MYO15A: variants seen among roughly 807,000 people sequenced by gnomAD.
The protein encoded by MYO15A is unconventional myosin-XV.
A neutral mutation model predicts 394.6 loss-of-function variants in MYO15A; 308 were observed. The ratio of observed to expected loss-of-function variants is 0.78; its 90% CI spans 0.71 to 0.86. The LOEUF (loss-of-function observed/expected upper bound fraction) is 0.86. Among genes scored for constraint, MYO15A ranks in the 40% least tolerant of loss-of-function variants. The pLI, the probability that MYO15A is intolerant of heterozygous loss-of-function variation, is 0.00. For synonymous variants in MYO15A, 1,957 were observed against 2,003.8 expected (o/e 0.98, Z 0.62); for missense variants, 4,606 against 4,799.1 (o/e 0.96, Z 1.19).
intron 7 of MYO15A, 41 bp downstream of exon 7, chr17:18,127,206 C>T (rs1306887860): frequency 6.2e-7 from 1 of 1,605,806 alleles, no homozygotes; most frequent in Admixed American, 1.7e-5. Context: ...GCTGAACACC[C>T]TTTGATAAGC....
In MYO15A at chr17:18,118,656, C is replaced by T. The variant is rs542293393; in HGVS notation, c.-145C>T. ...CGGAATCCTGGCTCGGCCCTCCCCA[C>T]GCCACCCAGGGCCAGTCGGGTCTGC... is the stretch of plus-strand genomic sequence containing the variant. On this transcript the variant is annotated 5_prime_UTR_variant, in exon 2 of 66. It adds an upstream start codon to the 5' untranslated region. Coordinates refer to ENST00000647165, the MANE Select transcript of MYO15A (RefSeq NM_016239.4). 4 of 1,290,974 alleles carry T rather than the reference C, an allele frequency of 3.1e-6. No individual in the cohort carries two copies. Among genetic ancestry groups the T allele is most frequent in the Admixed American group, 2.4e-5 (1 of 41,150 alleles). The allele number at this position is 1,290,974 out of a possible 1,614,324, so 80.0% of individuals were successfully genotyped here. A position where few individuals can be genotyped will look rare whatever the true frequency, so the allele number is the denominator to read the frequency against.
At position 18,132,407 on chromosome 17, in the gene MYO15A, C is replaced by T; in HGVS notation, c.4207-46C>T. ...GCTTGTATGTGTGCCTGGGGGTCAC[C>T]TAGGTAGGTGGCTCCCTTCTCTGTG... On this transcript the variant is annotated intron_variant, in intron 10 of 65. Coordinates refer to ENST00000647165, the MANE Select transcript of MYO15A (RefSeq NM_016239.4). The surrounding 1 kb of genome is among the most constrained non-coding windows in gnomAD (Gnocchi z 4.6). 6.6e-7 allele frequency: 1 copy of T among 1,512,480 alleles called. No individual in the cohort carries two copies. 93.7% of individuals were successfully genotyped at this position (1,512,480 alleles called of 1,614,324 possible).
chr17:18,149,044 T>TGGGACA (rs1383800159), intron 33 of MYO15A, 92 bp downstream of exon 33: 67 of 1,504,806 alleles, frequency 4.5e-5, no homozygotes, highest in Non-Finnish European at 3.0e-5. Flanking sequence ...TCCCAGCTGC[T>TGGGACA]GGGACAGGCT....
intron 47 of MYO15A, 35 bp from the exon 48 acceptor site, chr17:18,156,160 T>A: frequency 6.2e-7 from 1 of 1,613,716 alleles, no homozygotes; most frequent in Non-Finnish European, 8.5e-7. Flanking sequence ...GGCATCCCTC[T>A]GGCAGGGGAG....
At chr17:18,142,372 G>C in intron 24 of MYO15A, 118 bp downstream of exon 24, 1 of 1,204,374 alleles carries the variant, frequency 8.3e-7, no homozygotes, top group Middle Eastern at 2.7e-4. Context: ...GAGGGTGGAG[G>C]CCTCTGCAGG....
chr17:18,139,376 C>G (rs2046337001), intron 18 of MYO15A, 158 bp from the exon 19 acceptor site: 2 of 853,786 alleles, frequency 2.3e-6, no homozygotes, highest in Non-Finnish European at 3.8e-6. Context: ...CCAGGTTGGT[C>G]ATGAGAAGCC....
intron 60 of MYO15A, chr17:18,165,070 A>G (rs1280965344): frequency 6.6e-6 from 1 of 150,982 alleles, no homozygotes; most frequent in Non-Finnish European, 1.5e-5. Flanking sequence ...GTGCCTGGGC[A>G]ACAAGAGCGA....
rs2045890128 is a variant in MYO15A, at chr17:18,120,334, G to A, written c.1534G>A (p.Glu512Lys). Residue 512 changes from glutamate to lysine, a missense_variant, in exon 2 of 66, where the codon GAA becomes AAA. Glu to Lys is a moderately conservative substitution (Grantham distance 56). Around this residue, in one of 2 missense-constraint regions of MYO15A, gnomAD observed 1,830 missense variants for 1,689.7 expected, o/e 1.08. Coordinates refer to ENST00000647165, the MANE Select transcript of MYO15A (RefSeq NM_016239.4). ...TCCTCTCCCCTTGGGGGATGCGGACGAAGAAGAGGACGAGGAGGAGCTGCC... is the reference window on the plus strand; with the variant it reads ...TCCTCTCCCCTTGGGGGATGCGGACAAAGAAGAGGACGAGGAGGAGCTGCC... Reference protein sequence around the residue: ...DIPLPLGDADEEEDEEELPPV... With the variant: ...DIPLPLGDADKEEDEEELPPV... The A allele has an allele frequency of 1.2e-6, 2 of 1,612,290 alleles. No homozygotes were observed. Among genetic ancestry groups the A allele is most frequent in the Non-Finnish European group, 1.7e-6 (2 of 1,179,972 alleles).
intron 8 of MYO15A, 63 bp from the exon 9 acceptor site, chr17:18,131,176 C>T: frequency 6.8e-7 from 1 of 1,465,538 alleles, no homozygotes; most frequent in African/African-American, 1.4e-5. Context: ...AGCTATGCCC[C>T]CCACCCAGGC....
intron 25 of MYO15A, among the ~76,000 whole-genome samples, chr17:18,143,147 T>G (rs2046412356): frequency 6.6e-6 from 1 of 152,184 alleles, no homozygotes; most frequent in South Asian, 2.1e-4. Context: ...ATGGTTTTGC[T>G]CTTACCTTCA....
intron 35 of MYO15A, chr17:18,149,781 G>T (rs143916463): frequency 7.8e-6 from 5 of 644,160 alleles, no homozygotes; most frequent in Non-Finnish European, 1.4e-5. Context: ...ATCCTGGAAG[G>T]ACCCACAGTT....
At chr17:18,160,641 C>T (rs2142397121) in intron 56 of MYO15A, 1 of 195,634 alleles carries the variant, frequency 5.1e-6, no homozygotes, top group Middle Eastern at 2.2e-3. Flanking sequence ...TTCACATTGA[C>T]CAAACCTGAC....
At chr17:18,172,770 A>G in intron 64 of MYO15A, 1 of 271,284 alleles carries the variant, frequency 3.7e-6, no homozygotes, top group Non-Finnish European at 7.2e-6. Flanking sequence ...TTCCTCTTAT[A>G]AGGACATCTG....
At position 18,126,877 on chromosome 17, in the gene MYO15A, G is replaced by C; in HGVS notation, c.3941+12G>C. 6.2e-7 allele frequency: 1 copy of C among 1,614,056 alleles called. No individual in the cohort carries two copies. Among genetic ancestry groups the C allele is most frequent in the Non-Finnish European group, 8.5e-7 (1 of 1,179,984 alleles). ...TGCATAATCATTAGGTGAGTGGGCT[G>C]CCTTTATGTGGGGGATAAATGGGGG... On this transcript the variant is annotated intron_variant, in intron 6 of 65. Coordinates refer to ENST00000647165, the MANE Select transcript of MYO15A (RefSeq NM_016239.4).
At chr17:18,144,376 T>A in intron 28 of MYO15A, 121 bp from the exon 29 acceptor site, 1 of 946,936 alleles carries the variant, frequency 1.1e-6, no homozygotes, top group Non-Finnish European at 1.7e-6. Context: ...TCCCCATCCA[T>A]ACACTGAGGA....
intron 25 of MYO15A, among the ~76,000 whole-genome samples, chr17:18,143,050 T>C (rs1277874979): frequency 6.6e-6 from 1 of 152,198 alleles, no homozygotes; most frequent in Non-Finnish European, 1.5e-5. Context: ...GATGTTGCAT[T>C]GAAGGATTTG....
chr17:18,152,875 T>C (rs1263321153), intron 42 of MYO15A, among the ~76,000 whole-genome samples: 2 of 152,206 alleles, frequency 1.3e-5, no homozygotes, highest in African/African-American at 4.8e-5. Flanking sequence ...ATGTCACCTC[T>C]GTCACCTCGG....
intron 60 of MYO15A, 129 bp from the exon 61 acceptor site, chr17:18,166,232 G>A (rs2046851814): frequency 8.8e-7 from 1 of 1,135,400 alleles, no homozygotes; most frequent in Admixed American, 1.9e-5. Flanking sequence ...CCCAGAACAG[G>A]CAGGTGGCTT....
At position 18,126,374 on chromosome 17, in the gene MYO15A, G is replaced by A; in HGVS notation, c.3784G>A (p.Val1262Met). The change falls in exon 5 of 66, where the codon GTG (valine) becomes ATG (methionine). Residue 1262 changes from valine to methionine, a missense_variant. Physicochemically the swap from Val to Met is conservative, Grantham distance 21. This residue lies in a region of MYO15A where 2,776 missense variants were observed against 3,109.3 expected (regional missense o/e 0.89). Coordinates refer to ENST00000647165, the MANE Select transcript of MYO15A (RefSeq NM_016239.4). The stretch of plus-strand genomic sequence containing the variant: ...ATACATTGGGAGCATCCTGGTGTCG[G>A]TGAACCCATACCAAATGTTTGGAAT... The part of the protein sequence containing the change: ...YTYIGSILVS[V>M]NPYQMFGIYG... The A allele has an allele frequency of 1.2e-6, 2 of 1,614,034 alleles. No homozygotes were observed. Among genetic ancestry groups the A allele is most frequent in the East Asian group, 2.2e-5 (1 of 44,856 alleles).
Sources: gnomAD v4.1 joint callset for allele counts (sites outside exome capture counted in the v4.1 genomes callset) on GRCh38, gnomAD v4.1.1 for gene constraint, gnomAD v4.1.1 regional missense constraint, Gnocchi (gnomAD v3.1) non-coding constraint, MANE v1.5 for transcripts, NCBI Gene and HGNC (gene_info 2026-07-23, HGNC 2026-07-21) for gene names.